Variants in EMCN observed in about 807,000 individuals in gnomAD.
The protein encoded by EMCN is endomucin, also known as MUC-14.
Under a neutral mutation model 38.4 loss-of-function variants are expected in EMCN, and 37 were observed. The ratio of observed to expected loss-of-function variants is 0.96; its 90% CI spans 0.74 to 1.27. The LOEUF is 1.27. EMCN is among the 50% of genes most tolerant of loss of function. The probability of loss-of-function intolerance (pLI) is 0.00; values close to 1 mark genes in which losing one functional copy is unlikely to be tolerated. For missense variants in EMCN, 318 were observed against 302.8 expected, an observed-to-expected ratio of 1.05 and a Z score of -0.37; for synonymous variants, 95 against 100.8, an observed-to-expected ratio of 0.94 and a Z score of 0.35.
At chr4:100,405,620 C>T (rs1304759251) in intron 11 of EMCN, among the ~76,000 whole-genome samples, 1 of 151,972 alleles carries the variant, frequency 6.6e-6, no homozygotes, top group Non-Finnish European at 1.5e-5. Context: ...GTTCAGTTTA[C>T]TTTACTAGTA....
At chr4:100,471,488 C>T (rs376804510) in intron 3 of EMCN, among the ~76,000 whole-genome samples, 2 of 151,830 alleles carry the variant, frequency 1.3e-5, no homozygotes, top group East Asian at 1.9e-4. Context: ...CCAGGGTCTT[C>T]CCTGGAAAAT....
Position 100,459,168 on chromosome 4 carries a change from GCTCTCTCTCTCTCTCTCTCT to G in EMCN, c.376+6235_376+6254del, listed in dbSNP as rs70958363. 9.6e-3 allele frequency among the ~76,000 whole-genome samples: 1,282 copies of G among 132,882 alleles called. 23 individuals are homozygous for G. The highest frequency in any genetic ancestry group is 0.024 in the African/African-American group (865 of 36,044). The allele number at this position is 132,882 out of a possible 152,430, so 87.2% of individuals were successfully genotyped here. ...CTAGCTGGAGCCATTGCCCTCAGAT[GCTCTCTCTCTCTCTCTCTCT>G]CTCTCTCTCTCTCTCTCTCTCTCTC... On this transcript the variant is annotated intron_variant, in intron 4 of 11. Transcript: ENST00000296420.
At chr4:100,468,169 T>C (rs1439065889) in intron 3 of EMCN, among the ~76,000 whole-genome samples, 1 of 152,028 alleles carries the variant, frequency 6.6e-6, no homozygotes, top group East Asian at 1.9e-4. Context: ...CTTGAGGGAG[T>C]CGTATCAGTA....
chr4:100,441,417 T>C (rs1727513640), intron 5 of EMCN, among the ~76,000 whole-genome samples: 1 of 152,228 alleles, frequency 6.6e-6, no homozygotes, highest in African/African-American at 2.4e-5. Flanking sequence ...CTGGGTGTCT[T>C]GTAGGCAGCA....
intron 5 of EMCN, among the ~76,000 whole-genome samples, chr4:100,426,387 T>C (rs985869924): frequency 2.6e-5 from 4 of 152,236 alleles, no homozygotes; most frequent in Admixed American, 1.3e-4. Flanking sequence ...ATGGTCTTGC[T>C]GAACCTCCCC....
chr4:100,486,777 A>G, intron 1 of EMCN: 3 of 849,808 alleles, frequency 3.5e-6, no homozygotes, highest in Non-Finnish European at 4.2e-6. Flanking sequence ...GAAAACAACA[A>G]TATCTGCAAA....
chr4:100,480,533 GAC>G (rs1340436402), intron 1 of EMCN, among the ~76,000 whole-genome samples: 2 of 150,624 alleles, frequency 1.3e-5, no homozygotes, highest in Non-Finnish European at 3.0e-5. Context: ...AATTAATAAA[GAC>G]AAGAGTATAC....
intron 4 of EMCN, among the ~76,000 whole-genome samples, chr4:100,450,212 G>GT (rs1727798785): frequency 6.6e-6 from 1 of 151,970 alleles, no homozygotes; most frequent in Admixed American, 6.6e-5. Flanking sequence ...AAACTTAGAT[G>GT]TTTAGTAAGG....
intron 10 of EMCN, among the ~76,000 whole-genome samples, chr4:100,413,283 T>C (rs569511928): frequency 2.0e-5 from 3 of 152,186 alleles, no homozygotes; most frequent in African/African-American, 7.2e-5. Context: ...TTCTGTATTT[T>C]AAAAATTTCT....
In EMCN at chr4:100,421,332, G is replaced by A. The variant is rs1338378842; in HGVS notation, c.614C>T (p.Ser205Leu). 6.2e-7 allele frequency: 1 copy of A among 1,612,794 alleles called. No individual in the cohort carries two copies. Among genetic ancestry groups the A allele is most frequent in the South Asian group, 1.1e-5 (1 of 91,034 alleles). The change falls in exon 8 of 12, where the codon TCA becomes TTA. Residue 205 changes from serine to leucine, a missense_variant. Coordinates refer to ENST00000296420, the MANE Select transcript of EMCN (RefSeq NM_016242.4). ...VVIALIVITL[S>L]VFVLVGLYRM... ...GTACAAACCCACCAGAACAAATACT[G>A]AAAGTGTTATTACAATCAAAGCAAT... is the stretch of plus-strand genomic sequence containing the variant.
intron 4 of EMCN, among the ~76,000 whole-genome samples, chr4:100,448,835 C>CTTCCTTCCTTCCTTT (rs1727758203): frequency 6.7e-6 from 1 of 149,084 alleles, no homozygotes; most frequent in African/African-American, 2.5e-5. Context: ...TCCCTCCCTC[C>CTTCCTTCCTTCCTTT]CTCCCTCCCT....
intron 3 of EMCN, among the ~76,000 whole-genome samples, chr4:100,469,592 G>A (rs1245667071): frequency 1.6e-4 from 10 of 61,756 alleles, no homozygotes; most frequent in Admixed American, 2.8e-4. Flanking sequence ...TTAATCTATC[G>A]AGTTAATTTT....
intron 4 of EMCN, among the ~76,000 whole-genome samples, chr4:100,450,097 A>C (rs185404559): frequency 6.6e-6 from 1 of 152,146 alleles, no homozygotes; most frequent in East Asian, 1.9e-4. Flanking sequence ...ATTATTTATG[A>C]CTTTCATGAA....
At chr4:100,408,907 G>C (rs1726472172) in intron 11 of EMCN, among the ~76,000 whole-genome samples, 1 of 152,108 alleles carries the variant, frequency 6.6e-6, no homozygotes, top group African/African-American at 2.4e-5. Context: ...TTTTCCATAG[G>C]GCACTGCAGC....
chr4:100,472,267 A>G (rs1728498533), intron 3 of EMCN, among the ~76,000 whole-genome samples: 2 of 151,966 alleles, frequency 1.3e-5, no homozygotes, highest in Non-Finnish European at 2.9e-5. Context: ...AATAGAGTGG[A>G]AGGATATAAT....
At chr4:100,473,585 C>T (rs967628208) in intron 3 of EMCN, among the ~76,000 whole-genome samples, 1 of 151,698 alleles carries the variant, frequency 6.6e-6, no homozygotes, top group Non-Finnish European at 1.5e-5. Flanking sequence ...TCAAGAAGTT[C>T]AAGAAGTTTT....
chr4:100,481,187 C>A (rs1022828454), intron 1 of EMCN, among the ~76,000 whole-genome samples: 1 of 151,884 alleles, frequency 6.6e-6, no homozygotes, highest in Admixed American at 6.6e-5. Flanking sequence ...TATTCAAATC[C>A]CAGTCAAACT....
At chr4:100,452,819 C>G (rs908640493) in intron 4 of EMCN, among the ~76,000 whole-genome samples, 1 of 151,988 alleles carries the variant, frequency 6.6e-6, no homozygotes, top group Non-Finnish European at 1.5e-5. Flanking sequence ...GGTACTGGTA[C>G]CAAAACAGAG....
chr4:100,507,521 GGAA>G (rs1470420005), intron 1 of EMCN, among the ~76,000 whole-genome samples: 8 of 152,234 alleles, frequency 5.3e-5, no homozygotes, highest in South Asian at 4.2e-4. Flanking sequence ...GTGGATGGAG[GGAA>G]GAAGGATTGG....
Sources: gnomAD v4.1 joint callset for allele counts (sites outside exome capture counted in the v4.1 genomes callset) on GRCh38, gnomAD v4.1.1 for gene constraint, MANE v1.5 for transcripts, NCBI Gene and HGNC (gene_info 2026-07-23, HGNC 2026-07-21) for gene names.